Variants in PRDM16 observed in about 807,000 individuals in gnomAD.
PRDM16 encodes histone-lysine N-methyltransferase PRDM16.
A neutral mutation model predicts 110.6 loss-of-function variants in PRDM16; 23 were observed. That is an observed-to-expected ratio of 0.21 (90% confidence interval 0.15 to 0.29). The LOEUF is 0.29. Ranked by LOEUF, PRDM16 falls within the 10% of genes least tolerant of loss-of-function variation. The probability of loss-of-function intolerance (pLI) is 1.00; values close to 1 mark genes in which losing one functional copy is unlikely to be tolerated. For synonymous variants in PRDM16, 799 were observed against 781.8 expected (o/e 1.02, Z -0.37); for missense variants, 1,615 against 1,794.3 (o/e 0.90, Z 1.81).
intron 2 of PRDM16, among the ~76,000 whole-genome samples, chr1:3,229,116 C>T (rs868147143): frequency 1.3e-5 from 2 of 152,218 alleles, no homozygotes; most frequent in Non-Finnish European, 2.9e-5. Context: ...CCCAGGGCAC[C>T]GTGAACACAA....
rs1353574068 is a variant in PRDM16, at chr1:3,435,892, C to A, written c.*2081C>A. 8.6e-6 allele frequency: 2 copies of A among 231,902 alleles called. No individual in the cohort carries two copies. Among genetic ancestry groups the A allele is most frequent in the Non-Finnish European group, 1.7e-5 (2 of 117,266 alleles). 14.4% of individuals were successfully genotyped at this position (231,902 alleles called of 1,614,324 possible). A position where few individuals can be genotyped will look rare whatever the true frequency, so the allele number is the denominator to read the frequency against. ...CCCACGCCAGATCTGCACAACGAGG[C>A]AAGACAGGACCCACCTGTGCGTGCG... On this transcript the variant is annotated 3_prime_UTR_variant, in exon 17 of 17. Transcript: ENST00000270722.
At chr1:3,129,782 C>T (rs562101576) in intron 1 of PRDM16, among the ~76,000 whole-genome samples, 1 of 152,224 alleles carries the variant, frequency 6.6e-6, no homozygotes, top group East Asian at 1.9e-4. Context: ...ACCCCTTTTT[C>T]CAAGGAAAGA....
chr1:3,360,800 G>C (rs897133871), intron 3 of PRDM16, among the ~76,000 whole-genome samples: 5 of 152,210 alleles, frequency 3.3e-5, no homozygotes, highest in Non-Finnish European at 7.3e-5. Flanking sequence ...AGGAGCGGAA[G>C]AGCCATCCCA....
Position 3,255,318 on chromosome 1 carries a change from G to C in PRDM16, c.438+11181G>C, listed in dbSNP as rs1042232828. 6.6e-6 allele frequency among the ~76,000 whole-genome samples: 1 copy of C among 152,180 alleles called. No homozygotes were observed. The highest frequency in any genetic ancestry group is 1.5e-5 in the Non-Finnish European group (1 of 68,034). Reference sequence around the variant, plus strand: ...CACCACACTCTTAAATGCAGGAGACGGTTTCCAAATGCAGCCTGCAGACCC... The same window carrying C: ...CACCACACTCTTAAATGCAGGAGACCGTTTCCAAATGCAGCCTGCAGACCC... On this transcript the variant is annotated intron_variant, in intron 3 of 16. Coordinates refer to ENST00000270722, the MANE Select transcript of PRDM16 (RefSeq NM_022114.4). The surrounding 1 kb of genome is among the most constrained non-coding windows in gnomAD (Gnocchi z 4.7).
At chr1:3,225,028 G>T (rs899291680) in intron 2 of PRDM16, among the ~76,000 whole-genome samples, 3 of 152,234 alleles carry the variant, frequency 2.0e-5, no homozygotes, top group Non-Finnish European at 4.4e-5. Context: ...CTCCTGAGGT[G>T]GGGGCGAGGA....
At chr1:3,304,485 C>T (rs1220248302) in intron 3 of PRDM16, among the ~76,000 whole-genome samples, 1 of 152,242 alleles carries the variant, frequency 6.6e-6, no homozygotes, top group Non-Finnish European at 1.5e-5. Flanking sequence ...TGCATTGCAT[C>T]CTTGGCGTCA....
chr1:3,307,540 C>T (rs1283665235), intron 3 of PRDM16: 1 of 152,202 alleles, frequency 6.6e-6, no homozygotes. Context: ...CCCCAGACAC[C>T]TCCCAGCAGG....
intron 1 of PRDM16, among the ~76,000 whole-genome samples, chr1:3,180,223 C>T (rs1012761748): frequency 6.6e-6 from 1 of 151,204 alleles, no homozygotes; most frequent in African/African-American, 2.4e-5. Flanking sequence ...CCTCCCACCC[C>T]CCAGGCCAAG....
rs891692086 is a variant in PRDM16 at position 3,417,365 on chromosome 1, T to G, written c.2692-463T>G. On this transcript the variant is annotated intron_variant, in intron 10 of 16. Coordinates refer to ENST00000270722, the MANE Select transcript of PRDM16 (RefSeq NM_022114.4). Reference sequence around the variant, plus strand: ...CGGAGATTCAGGTTGCTATTGTAATTTTTCAAGACTAAAAAATAAACTTTT... The same window carrying G: ...CGGAGATTCAGGTTGCTATTGTAATGTTTCAAGACTAAAAAATAAACTTTT... Among the ~76,000 whole-genome samples the G allele has an allele frequency of 5.9e-5, 9 of 152,322 alleles. No homozygotes were observed. The South Asian group carries it at 1.7e-3, about 28-fold the overall frequency.
At chr1:3,266,336 G>A (rs1379542759) in intron 3 of PRDM16, among the ~76,000 whole-genome samples, 2 of 152,178 alleles carry the variant, frequency 1.3e-5, no homozygotes, top group African/African-American at 2.4e-5. Context: ...GCCCAAGGCC[G>A]GCCGAGCACC....
chr1:3,173,413 G>A (rs912456800), intron 1 of PRDM16, among the ~76,000 whole-genome samples: 6 of 152,238 alleles, frequency 3.9e-5, no homozygotes, highest in African/African-American at 1.2e-4. Flanking sequence ...GCTGTCCCCG[G>A]AGCATTGCAC....
At position 3,246,077 on chromosome 1, in the gene PRDM16, G is replaced by A. The variant is rs887308883; in HGVS notation, c.438+1940G>A. On this transcript the variant is annotated intron_variant, in intron 3 of 16. Transcript: ENST00000270722. This position sits in a 1 kb window ranked among gnomAD's most constrained non-coding sequence, Gnocchi z 5.2. ...GGTCAAGTCTAGATTTAAAGGGCCC[G>A]GGGGAGGCAAGTGCTGGCTGCTTCT... Among the ~76,000 whole-genome samples, 5 of 152,252 alleles carry A rather than the reference G, an allele frequency of 3.3e-5. No homozygotes were observed. The highest frequency in any genetic ancestry group is 2.1e-4 in the South Asian group (1 of 4,816).
Position 3,244,651 on chromosome 1 carries a change from G to A in PRDM16, c.438+514G>A, listed in dbSNP as rs1198072753. Among the ~76,000 whole-genome samples, 2 of 152,156 alleles carry A rather than the reference G, an allele frequency of 1.3e-5. No individual in the cohort carries two copies. The highest frequency in any genetic ancestry group is 2.4e-5 in the African/African-American group (1 of 41,436). ...GGCATTATCCACGGCTTTGCTGACT[G>A]GTGGTGGATAACGGCTGGTGGACAA... On this transcript the variant is annotated intron_variant, in intron 3 of 16. Coordinates refer to ENST00000270722, the MANE Select transcript of PRDM16 (RefSeq NM_022114.4). This position sits in a 1 kb window ranked among gnomAD's most constrained non-coding sequence, Gnocchi z 4.1.
rs140510072 is a variant in PRDM16, at chr1:3,148,347, C to T, written c.38-37778C>T. The stretch of plus-strand genomic sequence containing the variant: ...TACTCTAGGGGTGTCCCTCACCAGG[C>T]AGCCCTGCAAACCCAGGAGCCAGGA... On this transcript the variant is annotated intron_variant, in intron 1 of 16. Coordinates refer to ENST00000270722, the MANE Select transcript of PRDM16 (RefSeq NM_022114.4). This position sits in a 1 kb window ranked among gnomAD's most constrained non-coding sequence, Gnocchi z 5.0. 9.8e-4 allele frequency among the ~76,000 whole-genome samples: 149 copies of T among 152,252 alleles called. No individual in the cohort carries two copies. Among genetic ancestry groups the T allele is most frequent in the African/African-American group, 3.3e-3 (139 of 41,542 alleles).
At chr1:3,431,429 G>A (rs1458900856) in intron 15 of PRDM16, among the ~76,000 whole-genome samples, 5 of 152,214 alleles carry the variant, frequency 3.3e-5, no homozygotes, top group Admixed American at 6.5e-5. Context: ...CTGGGACAGC[G>A]CGTGCAGCCA....
intron 3 of PRDM16, among the ~76,000 whole-genome samples, chr1:3,301,318 G>A (rs1276112074): frequency 1.7e-5 from 2 of 117,040 alleles, no homozygotes; most frequent in Admixed American, 2.3e-4. Flanking sequence ...GGGCAACAGA[G>A]CAAGATCCCA....
intron 3 of PRDM16, among the ~76,000 whole-genome samples, chr1:3,301,372 A>G (rs1459302352): frequency 6.6e-6 from 1 of 150,778 alleles, no homozygotes; most frequent in African/African-American, 2.4e-5. Context: ...GGAAGGAAGG[A>G]GGAAAAGAAA....
In PRDM16 at chr1:3,430,740, A is replaced by C. The variant is rs1260107974; in HGVS notation, c.3285-132A>C. The C allele has an allele frequency of 2.8e-6, 3 of 1,081,332 alleles. No homozygotes were observed. In the African/African-American group the frequency reaches 4.6e-5, roughly 17 times the overall value. 67.0% of individuals were successfully genotyped at this position (1,081,332 alleles called of 1,614,324 possible). On this transcript the variant is annotated intron_variant, in intron 14 of 16. Coordinates refer to ENST00000270722, the MANE Select transcript of PRDM16 (RefSeq NM_022114.4). ...GTGGCTGGGCCCAGGGACCCGCGGG[A>C]GCTCCCTCAGGAAGGGGGCTGAGTG...
At chr1:3,308,035 T>C (rs1641353237) in intron 3 of PRDM16, 1 of 152,150 alleles carries the variant, frequency 6.6e-6, no homozygotes, top group Non-Finnish European at 1.5e-5. Context: ...AGACACCTTA[T>C]AAAGGCCCAA....
Sources: gnomAD v4.1 joint callset for allele counts (sites outside exome capture counted in the v4.1 genomes callset) on GRCh38, gnomAD v4.1.1 for gene constraint, Gnocchi (gnomAD v3.1) non-coding constraint, MANE v1.5 for transcripts, NCBI Gene and HGNC (gene_info 2026-07-23, HGNC 2026-07-21) for gene names.